C8orf34: variants seen among roughly 807,000 people sequenced by gnomAD.
The protein encoded by C8orf34 is uncharacterized protein C8orf34.
A neutral mutation model predicts 68.3 loss-of-function variants in C8orf34; 65 were observed. The observed-to-expected ratio is 0.95, with a 90% confidence interval of 0.78 to 1.17. The LOEUF (loss-of-function observed/expected upper bound fraction) is 1.17, where lower values mean the gene tolerates loss of function less well. Ranked by LOEUF, C8orf34 falls within the 50% of genes most tolerant of loss-of-function variation. The pLI is 0.00. For synonymous variants in C8orf34, 244 were observed against 241.2 expected (o/e 1.01, Z -0.11); for missense variants, 664 against 655.4 (o/e 1.01, Z -0.14).
At chr8:68,484,579 C>A (rs930160198) in intron 4 of C8orf34, among the ~76,000 whole-genome samples, 9 of 152,130 alleles carry the variant, frequency 5.9e-5, no homozygotes, top group African/African-American at 1.9e-4. Flanking sequence ...AAAAAAGAGT[C>A]TCAATTTAAA....
intron 3 of C8orf34, chr8:68,447,650 A>G (rs1009152848): frequency 1.6e-4 from 25 of 152,200 alleles, no homozygotes; most frequent in Admixed American, 1.6e-3. Context: ...AAAAACCACT[A>G]TGTGCTAACT....
chr8:68,422,124 C>T (rs1810006063), intron 1 of C8orf34, among the ~76,000 whole-genome samples: 1 of 152,130 alleles, frequency 6.6e-6, no homozygotes, highest in Non-Finnish European at 1.5e-5. Context: ...TGCTGCTGGC[C>T]CCTCCCAAAT....
rs117535011 is a variant in C8orf34 at position 68,475,745 on chromosome 8, G to A, written c.736+6925G>A. ...ATTGGCCAACAAAACCTTCTACTTC[G>A]TGAGGCACTATTCCCAGGGTGGCAG... On this transcript the variant is annotated intron_variant, in intron 4 of 13. Transcript: ENST00000518698. Among the ~76,000 whole-genome samples, 284 of 152,328 alleles carry A rather than the reference G, an allele frequency of 1.9e-3. 1 individual carries two copies. The highest frequency in any genetic ancestry group is 4.3e-3 in the South Asian group (21 of 4,830).
chr8:68,567,334 A>G (rs1816621244), intron 7 of C8orf34, among the ~76,000 whole-genome samples: 1 of 151,990 alleles, frequency 6.6e-6, no homozygotes, highest in Non-Finnish European at 1.5e-5. Context: ...AGAGTATCTA[A>G]TTCTTCCAAG....
chr8:68,736,735 C>G (rs1432870501), intron 10 of C8orf34, among the ~76,000 whole-genome samples: 1 of 151,946 alleles, frequency 6.6e-6, no homozygotes, highest in Non-Finnish European at 1.5e-5. Context: ...ATCCTGAGAA[C>G]TTTTAGGTGT....
intron 10 of C8orf34, among the ~76,000 whole-genome samples, chr8:68,731,929 G>A (rs7837124): frequency 0.019 from 2,900 of 152,344 alleles, 47 homozygotes; most frequent in Non-Finnish European, 0.028. Flanking sequence ...TGGGACCTCA[G>A]CGTTCCAGTC....
intron 7 of C8orf34, among the ~76,000 whole-genome samples, chr8:68,601,711 C>A (rs549173487): frequency 6.6e-6 from 1 of 150,650 alleles, no homozygotes; most frequent in African/African-American, 2.4e-5. Flanking sequence ...CTGCAATATC[C>A]ATCCAATTCA....
chr8:68,446,376 C>T lies in C8orf34; in HGVS notation c.523C>T (p.Gln175Ter). The T allele has an allele frequency of 6.2e-7, 1 of 1,611,578 alleles. No homozygotes were observed. Among genetic ancestry groups the T allele is most frequent in the Non-Finnish European group, 8.5e-7 (1 of 1,179,052 alleles). ...RDFRSYDKPW[Q>*]LNAKKPKKSK... ...TTTCAGAAGCTATGATAAACCTTGG[C>T]AATTAAATGCAAAGAAGCCTAAAAA... The change falls in exon 3 of 14, where the codon CAA becomes TAA. Residue 175 changes from glutamine to a stop codon, truncating the protein, a stop_gained. Coordinates refer to ENST00000518698, the MANE Select transcript of C8orf34 (RefSeq NM_052958.4). LOFTEE classifies it high-confidence loss of function.
At chr8:68,708,013 T>G (rs1821220567) in intron 8 of C8orf34, among the ~76,000 whole-genome samples, 1 of 152,108 alleles carries the variant, frequency 6.6e-6, no homozygotes, top group Non-Finnish European at 1.5e-5. Flanking sequence ...TAAAGTGGTC[T>G]TTTTCCCAAG....
At chr8:68,682,929 G>A (rs149563348) in intron 8 of C8orf34, among the ~76,000 whole-genome samples, 7 of 152,036 alleles carry the variant, frequency 4.6e-5, no homozygotes, top group African/African-American at 1.2e-4. Flanking sequence ...TGTTTCGCGC[G>A]GCTGTACTTG....
chr8:68,473,883 C>A (rs997931415), intron 4 of C8orf34, among the ~76,000 whole-genome samples: 3 of 152,110 alleles, frequency 2.0e-5, no homozygotes, highest in Non-Finnish European at 4.4e-5. Flanking sequence ...GTAGTTGTAA[C>A]CCTGTTGATT....
chr8:68,367,798 T>G (rs1420729420), intron 1 of C8orf34, among the ~76,000 whole-genome samples: 14 of 138,268 alleles, frequency 1.0e-4, no homozygotes, highest in African/African-American at 3.3e-4. Context: ...TACCTAATGC[T>G]AGATGACGAG....
At chr8:68,516,137 C>T (rs995690918) in intron 5 of C8orf34, among the ~76,000 whole-genome samples, 5 of 151,954 alleles carry the variant, frequency 3.3e-5, no homozygotes, top group African/African-American at 9.7e-5. Flanking sequence ...AAAAAATGAC[C>T]ATCTTGTAGA....
chr8:68,763,859 C>G (rs1823093598), intron 10 of C8orf34, among the ~76,000 whole-genome samples: 1 of 152,178 alleles, frequency 6.6e-6, no homozygotes. Context: ...AAGAGCTTCA[C>G]TGGTTGCCTT....
intron 1 of C8orf34, among the ~76,000 whole-genome samples, chr8:68,426,362 T>C (rs1810214663): frequency 6.6e-6 from 1 of 151,104 alleles, no homozygotes; most frequent in African/African-American, 2.4e-5. Context: ...TACCAAAAAA[T>C]GCAAAAATTG....
chr8:68,354,141 G>A (rs964245001), intron 1 of C8orf34, among the ~76,000 whole-genome samples: 13 of 151,894 alleles, frequency 8.6e-5, no homozygotes, highest in African/African-American at 3.1e-4. Flanking sequence ...TTATTTCAAT[G>A]TTTTATAATA....
chr8:68,603,554 T>TTTG (rs1817767051), intron 7 of C8orf34, among the ~76,000 whole-genome samples: 1 of 149,678 alleles, frequency 6.7e-6, no homozygotes, highest in Non-Finnish European at 1.5e-5. Flanking sequence ...TCTATCTATC[T>TTTG]ATCTATCTAT....
chr8:68,333,577 C>G (rs1014422107), intron 1 of C8orf34, among the ~76,000 whole-genome samples: 9 of 152,170 alleles, frequency 5.9e-5, no homozygotes, highest in African/African-American at 2.2e-4. Context: ...GTGTAGCCTA[C>G]TTGTTTCATG....
chr8:68,471,110 A>G (rs1812361288), intron 4 of C8orf34, among the ~76,000 whole-genome samples: 1 of 152,156 alleles, frequency 6.6e-6, no homozygotes, highest in Admixed American at 6.5e-5. Flanking sequence ...ATGTGACTCC[A>G]TAGTGAGGCC....
Sources: allele counts gnomAD v4.1 joint callset (sites outside exome capture counted in the v4.1 genomes callset), GRCh38; gene constraint gnomAD v4.1.1; transcripts MANE v1.5; gene names NCBI Gene and HGNC (gene_info 2026-07-23, HGNC 2026-07-21).